MAGI2: variants seen among roughly 807,000 people sequenced by gnomAD.
MAGI2 encodes the protein membrane-associated guanylate kinase, WW and PDZ domain-containing protein 2.
MAGI2 carries 35 observed loss-of-function variants against 133.3 expected under a neutral mutation model. That is an observed-to-expected ratio of 0.26 (90% CI 0.20 to 0.35). MAGI2 has a LOEUF of 0.35. Among genes scored for constraint, MAGI2 ranks in the 10% least tolerant of loss-of-function variants. The probability of loss-of-function intolerance (pLI) is 1.00; values close to 1 mark genes in which losing one functional copy is unlikely to be tolerated. For missense variants in MAGI2, 1,636 were observed against 1,863.4 expected, an observed-to-expected ratio of 0.88 and a Z score of 2.25; for synonymous variants, 729 against 710.6, an observed-to-expected ratio of 1.03 and a Z score of -0.41.
intron 4 of MAGI2, chr7:78,518,890 T>C (rs1399490626): frequency 6.6e-6 from 1 of 152,294 alleles, no homozygotes; most frequent in Non-Finnish European, 1.5e-5. Flanking sequence ...TGTGCTACCA[T>C]GCCTGGCTAA....
chr7:79,103,576 T>A (rs1210117104), intron 1 of MAGI2, among the ~76,000 whole-genome samples: 1 of 152,178 alleles, frequency 6.6e-6, no homozygotes, highest in African/African-American at 2.4e-5. Context: ...CAAACTTAGT[T>A]CTTAGTGTTA....
At chr7:79,187,890 A>G (rs2129550894) in intron 1 of MAGI2, among the ~76,000 whole-genome samples, 1 of 151,942 alleles carries the variant, frequency 6.6e-6, no homozygotes, top group Admixed American at 6.6e-5. Context: ...TTTTTAGAAA[A>G]CATAAAGTTA....
intron 9 of MAGI2, among the ~76,000 whole-genome samples, chr7:78,279,397 CTG>C (rs1018271609): frequency 6.6e-6 from 1 of 151,826 alleles, no homozygotes; most frequent in Admixed American, 6.6e-5. Context: ...ATATTGTATG[CTG>C]TGTGTGTGTA....
chr7:78,672,561 T>C (rs1383532089), intron 2 of MAGI2, among the ~76,000 whole-genome samples: 1 of 152,186 alleles, frequency 6.6e-6, no homozygotes, highest in African/African-American at 2.4e-5. Context: ...AATGGCTGGT[T>C]TCATCTATCT....
Position 78,415,811 on chromosome 7 carries a change from A to T in MAGI2, c.1046-46598T>A, listed in dbSNP as rs371346139. Among the ~76,000 whole-genome samples, 7 of 152,274 alleles carry T rather than the reference A, an allele frequency of 4.6e-5. No individual in the cohort carries two copies. The East Asian group carries it at 9.7e-4, about 21-fold the overall frequency. On this transcript the variant is annotated intron_variant, in intron 6 of 21. Transcript: ENST00000354212. ...GATATTCTGTCAGACCTTGAACATG[A>T]ACCACAGTTACTTTAAAAATGATCA...
rs1817623938 is a variant in MAGI2 at position 78,697,307 on chromosome 7, AGG to A, written c.419-70070_419-70069del. Among the ~76,000 whole-genome samples, 7 of 152,234 alleles carry A rather than the reference AGG, an allele frequency of 4.6e-5. No homozygotes were observed. In the South Asian group the frequency reaches 1.4e-3, roughly 32 times the overall value. On this transcript the variant is annotated intron_variant, in intron 2 of 21. Coordinates refer to ENST00000354212, the MANE Select transcript of MAGI2 (RefSeq NM_012301.4). The stretch of plus-strand genomic sequence containing the variant: ...ATTTGTATGGTGGTCTGGCTTATTG[AGG>A]CTTGGTCTATTTCACTTCAGACTGC...
At chr7:79,384,364 C>T (rs28567700) in intron 1 of MAGI2, among the ~76,000 whole-genome samples, 75,942 of 151,048 alleles carry the variant, frequency 0.5, 20,587 homozygotes, top group African/African-American at 0.71. Context: ...TTGAAAGCAC[C>T]AGAAGAAAGT....
At chr7:78,646,294 T>C (rs1810887509) in intron 2 of MAGI2, among the ~76,000 whole-genome samples, 1 of 152,190 alleles carries the variant, frequency 6.6e-6, no homozygotes, top group East Asian at 1.9e-4. Context: ...TTCTGGAGTC[T>C]TAAAGTATGG....
chr7:78,207,092 G>A (rs1787177547), intron 10 of MAGI2, among the ~76,000 whole-genome samples: 1 of 152,062 alleles, frequency 6.6e-6, no homozygotes, highest in African/African-American at 2.4e-5. Context: ...ACAAAAGTGT[G>A]CACATATCAC....
At chr7:78,830,350 A>G (rs1298485028) in intron 2 of MAGI2, among the ~76,000 whole-genome samples, 1 of 152,172 alleles carries the variant, frequency 6.6e-6, no homozygotes, top group Non-Finnish European at 1.5e-5. Context: ...TATACAACAA[A>G]CAGCTTTTCC....
At chr7:78,909,191 C>T (rs1173905632) in intron 2 of MAGI2, among the ~76,000 whole-genome samples, 1 of 150,950 alleles carries the variant, frequency 6.6e-6, no homozygotes. Flanking sequence ...GACATTTATG[C>T]GGCCAACAAA....
intron 1 of MAGI2, among the ~76,000 whole-genome samples, chr7:79,139,132 T>G (rs2129546035): frequency 6.6e-6 from 1 of 152,238 alleles, no homozygotes; most frequent in African/African-American, 2.4e-5. Flanking sequence ...GATCTTGAAC[T>G]TCCAGCCTCC....
intron 1 of MAGI2, among the ~76,000 whole-genome samples, chr7:79,378,523 G>C (rs1354425282): frequency 6.6e-6 from 1 of 151,204 alleles, no homozygotes; most frequent in South Asian, 2.1e-4. Flanking sequence ...TGTCTGGCAG[G>C]GTTTTTTTTT....
chr7:78,996,724 G>A (rs940011577), intron 2 of MAGI2, among the ~76,000 whole-genome samples: 5 of 152,142 alleles, frequency 3.3e-5, no homozygotes, highest in Non-Finnish European at 5.9e-5. Context: ...TTCTAGGATC[G>A]ACTTTAAAAA....
At chr7:78,069,704 A>T (rs1330851157) in intron 21 of MAGI2, among the ~76,000 whole-genome samples, 1 of 152,080 alleles carries the variant, frequency 6.6e-6, no homozygotes, top group Non-Finnish European at 1.5e-5. Context: ...CCGGTTGTGT[A>T]AGAAAAATTT....
intron 7 of MAGI2, among the ~76,000 whole-genome samples, chr7:78,365,982 T>C (rs543268327): frequency 6.6e-6 from 1 of 152,338 alleles, no homozygotes; most frequent in South Asian, 2.1e-4. Context: ...AGAGAGGTGC[T>C]AACTGCTAAA....
chr7:78,564,119 T>C (rs10230681), intron 3 of MAGI2, among the ~76,000 whole-genome samples: 20,319 of 152,152 alleles, frequency 0.13, 1,999 homozygotes, highest in East Asian at 0.53. Flanking sequence ...AAATATGCTG[T>C]ACCACGCCAA....
chr7:79,097,780 A>T (rs1817642027), intron 1 of MAGI2, among the ~76,000 whole-genome samples: 1 of 152,224 alleles, frequency 6.6e-6, no homozygotes, highest in Non-Finnish European at 1.5e-5. Context: ...CATTTTATCT[A>T]CATAAGCAGA....
chr7:78,491,623 C>G (rs1293485596), intron 5 of MAGI2, among the ~76,000 whole-genome samples: 2 of 151,964 alleles, frequency 1.3e-5, no homozygotes, highest in Non-Finnish European at 2.9e-5. Context: ...CTTGTAAAGT[C>G]TGGTGGTGCT....
Sources: gnomAD v4.1 joint callset for allele counts (sites outside exome capture counted in the v4.1 genomes callset) on GRCh38, gnomAD v4.1.1 for gene constraint, MANE v1.5 for transcripts, NCBI Gene and HGNC (gene_info 2026-07-23, HGNC 2026-07-21) for gene names.